Variants in FRAS1 observed in about 807,000 individuals in gnomAD.
The protein encoded by FRAS1 is Fraser extracellular matrix complex subunit 1, also known as extracellular matrix organizing protein FRAS1.
FRAS1 carries 290 observed loss-of-function variants against 435.2 expected under a neutral mutation model. The observed-to-expected ratio is 0.67, with a 90% CI of 0.61 to 0.73. The LOEUF (loss-of-function observed/expected upper bound fraction) is 0.73, where lower values mean the gene tolerates loss of function less well. FRAS1 is among the 30% of genes least tolerant of loss of function. The probability of loss-of-function intolerance (pLI) is 0.00; values close to 1 mark genes in which losing one functional copy is unlikely to be tolerated. For synonymous variants in FRAS1, 1,800 were observed against 1,851.0 expected (o/e 0.97, Z 0.71); for missense variants, 4,860 against 5,001.5 (o/e 0.97, Z 0.85).
chr4:78,125,802 G>A (rs1010065735), intron 2 of FRAS1, among the ~76,000 whole-genome samples: 14 of 152,150 alleles, frequency 9.2e-5, no homozygotes, highest in African/African-American at 3.1e-4. Context: ...AGCCCCTACT[G>A]GGAGATGTCT....
At chr4:78,484,589 G>A (rs1333026319) in intron 58 of FRAS1, among the ~76,000 whole-genome samples, 1 of 152,048 alleles carries the variant, frequency 6.6e-6, no homozygotes, top group East Asian at 1.9e-4. Flanking sequence ...AAGTTTTATA[G>A]CCTTAAGTTT....
intron 67 of FRAS1, 46 bp downstream of exon 67, chr4:78,519,527 T>A (rs1578371020): frequency 6.3e-7 from 1 of 1,576,744 alleles, no homozygotes; most frequent in East Asian, 2.3e-5. Context: ...AGGGCTTCAC[T>A]CAAGCAAGAT....
At chr4:78,187,887 GC>G (rs1354470393) in intron 2 of FRAS1, among the ~76,000 whole-genome samples, 1 of 152,168 alleles carries the variant, frequency 6.6e-6, no homozygotes, top group Non-Finnish European at 1.5e-5. Context: ...GCAGGCATGA[GC>G]CACCACGCCT....
intron 1 of FRAS1, among the ~76,000 whole-genome samples, chr4:78,063,415 C>T (rs1046225992): frequency 6.6e-6 from 1 of 152,182 alleles, no homozygotes; most frequent in South Asian, 2.1e-4. Context: ...AATGGAGGCT[C>T]ATTCATGCAG....
chr4:78,317,649 A>G (rs1460738558), intron 17 of FRAS1, 141 bp downstream of exon 17: 3 of 779,842 alleles, frequency 3.8e-6, no homozygotes, highest in East Asian at 3.1e-5. Context: ...TGCATTTTTC[A>G]TTACAGTAGT....
At chr4:78,422,070 A>C in intron 34 of FRAS1, 70 bp downstream of exon 34, 2 of 1,494,356 alleles carry the variant, frequency 1.3e-6, no homozygotes, top group African/African-American at 1.4e-5. Context: ...GCTCGCCCTA[A>C]CTCTCCCTGC....
chr4:78,141,046 T>C (rs1307443273), intron 2 of FRAS1, among the ~76,000 whole-genome samples: 1 of 152,136 alleles, frequency 6.6e-6, no homozygotes, highest in African/African-American at 2.4e-5. Context: ...ATTTGGCTTA[T>C]TACTTCTTTT....
At chr4:78,192,627 G>A (rs1267136253) in intron 2 of FRAS1, among the ~76,000 whole-genome samples, 7 of 152,076 alleles carry the variant, frequency 4.6e-5, no homozygotes, top group African/African-American at 1.4e-4. Flanking sequence ...TATCCCCTTT[G>A]TCATTTTTTA....
intron 19 of FRAS1, among the ~76,000 whole-genome samples, chr4:78,333,648 T>C (rs1730035625): frequency 6.6e-6 from 1 of 152,230 alleles, no homozygotes; most frequent in African/African-American, 2.4e-5. Flanking sequence ...GAAACTATAA[T>C]ATTTGAATAA....
chr4:78,301,583 C>G (rs889632104), intron 14 of FRAS1, among the ~76,000 whole-genome samples: 11 of 152,132 alleles, frequency 7.2e-5, no homozygotes, highest in African/African-American at 2.7e-4. Flanking sequence ...AAGGTTGAAT[C>G]TGGGACTAGA....
chr4:78,261,952 T>C (rs1194383790), intron 6 of FRAS1, among the ~76,000 whole-genome samples: 1 of 152,322 alleles, frequency 6.6e-6, no homozygotes, highest in Non-Finnish European at 1.5e-5. Context: ...TTCTCCCAAG[T>C]TCCCTTCTTT....
At chr4:78,428,906 TCTTG>T (rs757581754) in intron 35 of FRAS1, among the ~76,000 whole-genome samples, 185 bp from the exon 36 acceptor site, 1 of 152,170 alleles carries the variant, frequency 6.6e-6, no homozygotes, top group Non-Finnish European at 1.5e-5. Flanking sequence ...GCTCACAGTA[TCTTG>T]CTTGCTTACT....
intron 2 of FRAS1, among the ~76,000 whole-genome samples, chr4:78,215,990 T>A (rs555120544): frequency 6.6e-6 from 1 of 152,242 alleles, no homozygotes; most frequent in Non-Finnish European, 1.5e-5. Flanking sequence ...ATTTTTGGCA[T>A]CTTTCATTGG....
intron 2 of FRAS1, among the ~76,000 whole-genome samples, chr4:78,210,504 A>G (rs1723457401): frequency 6.6e-6 from 1 of 152,162 alleles, no homozygotes; most frequent in Non-Finnish European, 1.5e-5. Context: ...AGGTGCCCTG[A>G]TTTGTAATAA....
At chr4:78,255,498 T>C in intron 6 of FRAS1, 123 bp downstream of exon 6, 1 of 1,044,262 alleles carries the variant, frequency 9.6e-7, no homozygotes, top group Non-Finnish European at 1.4e-6. Context: ...CTTTTTGTTT[T>C]CCTCATACTT....
chr4:78,399,150 G>A (rs1732785260), intron 29 of FRAS1, among the ~76,000 whole-genome samples: 1 of 152,148 alleles, frequency 6.6e-6, no homozygotes, highest in Admixed American at 6.5e-5. Flanking sequence ...TATTCTCTGG[G>A]ATTTTGCCCT....
At chr4:78,067,672 T>TTTA (rs60743368) in intron 2 of FRAS1, among the ~76,000 whole-genome samples, 4,031 of 125,660 alleles carry the variant, frequency 0.032, 89 homozygotes, top group African/African-American at 0.055. Context: ...TTTTCTTTCT[T>TTTA]TTATTATTAT....
intron 2 of FRAS1, among the ~76,000 whole-genome samples, chr4:78,072,541 T>C (rs371954842): frequency 7.7e-4 from 117 of 152,128 alleles, no homozygotes; most frequent in African/African-American, 2.7e-3. Context: ...TCTCCAGCAG[T>C]GGGGAGAATA....
chr4:78,307,789 G>C (rs1185564369), intron 14 of FRAS1, among the ~76,000 whole-genome samples: 1 of 152,198 alleles, frequency 6.6e-6, no homozygotes, highest in East Asian at 1.9e-4. Context: ...CGGTACCTCA[G>C]ATGGAAATGC....
Sources: gnomAD v4.1 joint callset for allele counts (sites outside exome capture counted in the v4.1 genomes callset) on GRCh38, gnomAD v4.1.1 for gene constraint, MANE v1.5 for transcripts, NCBI Gene and HGNC (gene_info 2026-07-23, HGNC 2026-07-21) for gene names.